The following SCAPER variants were observed in gnomAD, a reference collection of about 807,000 sequenced individuals.
SCAPER encodes the protein S phase cyclin A-associated protein in the endoplasmic reticulum.
In SCAPER, 98 loss-of-function variants were observed where a neutral mutation model predicts 182.2. The ratio of observed to expected loss-of-function variants is 0.54; its 90% CI spans 0.46 to 0.64. SCAPER has a LOEUF of 0.64. Ranked by LOEUF, SCAPER falls within the 30% of genes least tolerant of loss-of-function variation. The pLI is 0.00. For synonymous variants in SCAPER, 605 were observed against 564.6 expected (o/e 1.07, Z -1.01); for missense variants, 1,432 against 1,690.0 (o/e 0.85, Z 2.68).
intron 21 of SCAPER, among the ~76,000 whole-genome samples, chr15:76,656,568 C>T (rs933191297): frequency 3.9e-5 from 6 of 152,096 alleles, no homozygotes; most frequent in Admixed American, 1.3e-4. Context: ...ATCTAGAGAA[C>T]TCTCCACCCC....
rs535274657 is a variant in SCAPER at position 76,592,580 on chromosome 15, C to T, written c.2712-18296G>A. ...ATTCTGCAGCTCCCAGCGAGATCAACGCAGAAGGCAGGTGATTTCTGCATT... is the reference window on the plus strand; with the variant it reads ...ATTCTGCAGCTCCCAGCGAGATCAATGCAGAAGGCAGGTGATTTCTGCATT... On this transcript the variant is annotated intron_variant, in intron 22 of 31. Transcript: ENST00000563290. Among the ~76,000 whole-genome samples the T allele has an allele frequency of 3.3e-4, 41 of 123,264 alleles. 10 individuals are homozygous for T. In the South Asian group the frequency reaches 9.3e-3, roughly 28 times the overall value. The allele number at this position is 123,264 out of a possible 152,430, so 80.9% of individuals were successfully genotyped here. A position where few individuals can be genotyped will look rare whatever the true frequency, so the allele number is the denominator to read the frequency against.
Position 76,381,441 on chromosome 15 carries a change from T to C in SCAPER, c.3642A>G (p.Gln1214=). The C allele has an allele frequency of 6.2e-7, 1 of 1,613,814 alleles. No homozygotes were observed. The highest frequency in any genetic ancestry group is 8.5e-7 in the Non-Finnish European group (1 of 1,179,870). Residue 1214 remains glutamine, a synonymous_variant, in exon 28 of 32, where the codon CAA becomes CAG. Coordinates refer to ENST00000563290, the MANE Select transcript of SCAPER (RefSeq NM_020843.4). ...PKENYTQNTI[Q]VAIQSLRFFN... ...AGAAACGTAAACTCTGAATGGCCAC[T>C]TGGATGGTATTTTGAGTGTAATTCT...
rs897690884 is a variant in SCAPER at position 76,730,571 on chromosome 15, TA to T, written c.2023-1835del. Among the ~76,000 whole-genome samples, 351 of 150,512 alleles carry T rather than the reference TA, an allele frequency of 2.3e-3. 2 individuals are homozygous for T. The highest frequency in any genetic ancestry group is 0.01 in the Middle Eastern group (3 of 292). The stretch of plus-strand genomic sequence containing the variant: ...ATCTGGCACAGAAAATTTTCTCCAT[TA>T]AAAAAAAAGTGAATAAAAAAATTCC... On this transcript the variant is annotated intron_variant, in intron 16 of 31. Coordinates refer to ENST00000563290, the MANE Select transcript of SCAPER (RefSeq NM_020843.4).
intron 2 of SCAPER, among the ~76,000 whole-genome samples, chr15:76,879,684 C>T (rs1453570120): frequency 6.6e-6 from 1 of 152,182 alleles, no homozygotes; most frequent in Non-Finnish European, 1.5e-5. Flanking sequence ...CTACTTGCTA[C>T]TGAAAGCATT....
chr15:76,474,037 C>T (rs1366820965), intron 24 of SCAPER, among the ~76,000 whole-genome samples: 2 of 152,066 alleles, frequency 1.3e-5, no homozygotes, highest in African/African-American at 4.8e-5. Context: ...TCTCGAATTC[C>T]TGGCCTCATG....
chr15:76,425,003 G>C (rs1161355689), intron 26 of SCAPER, among the ~76,000 whole-genome samples: 1 of 152,182 alleles, frequency 6.6e-6, no homozygotes, highest in Non-Finnish European at 1.5e-5. Flanking sequence ...AGTCTGATGG[G>C]CTTCCCTTTG....
At chr15:76,432,955 A>G (rs909950478) in intron 26 of SCAPER, among the ~76,000 whole-genome samples, 1 of 152,188 alleles carries the variant, frequency 6.6e-6, no homozygotes, top group Non-Finnish European at 1.5e-5. Context: ...CCTCTACTAC[A>G]ATACCTTACA....
intron 25 of SCAPER, among the ~76,000 whole-genome samples, chr15:76,452,140 T>C (rs756316254): frequency 1.2e-4 from 19 of 152,244 alleles, no homozygotes; most frequent in Admixed American, 2.6e-4. Flanking sequence ...GTGTATTGTA[T>C]GAATCTTACC....
intron 23 of SCAPER, among the ~76,000 whole-genome samples, chr15:76,560,028 T>A (rs1348105945): frequency 6.6e-6 from 1 of 152,180 alleles, no homozygotes; most frequent in Non-Finnish European, 1.5e-5. Context: ...TTCCCACACA[T>A]CAAATATTTA....
At chr15:76,642,974 G>C (rs2054224317) in intron 21 of SCAPER, among the ~76,000 whole-genome samples, 1 of 152,150 alleles carries the variant, frequency 6.6e-6, no homozygotes, top group Non-Finnish European at 1.5e-5. Context: ...AATTAAAAAA[G>C]ATAAGCAGAC....
At chr15:76,714,957 A>G (rs931457730) in intron 17 of SCAPER, among the ~76,000 whole-genome samples, 2 of 152,078 alleles carry the variant, frequency 1.3e-5, no homozygotes, top group African/African-American at 4.8e-5. Context: ...TAAAAAAAAC[A>G]CATAAAAAGC....
intron 22 of SCAPER, among the ~76,000 whole-genome samples, chr15:76,610,621 A>G (rs1355468275): frequency 2.6e-5 from 4 of 152,308 alleles, no homozygotes; most frequent in Middle Eastern, 3.4e-3. Context: ...AGTCACTAAG[A>G]TTTCTATGTA....
At chr15:76,816,183 TTC>T (rs1191487261) in intron 5 of SCAPER, among the ~76,000 whole-genome samples, 1 of 152,198 alleles carries the variant, frequency 6.6e-6, no homozygotes, top group Admixed American at 6.5e-5. Flanking sequence ...TACAAAAATT[TTC>T]TGTCTTCCTA....
chr15:76,565,345 C>A (rs2046964356), intron 23 of SCAPER, among the ~76,000 whole-genome samples: 1 of 151,936 alleles, frequency 6.6e-6, no homozygotes, highest in South Asian at 2.1e-4. Flanking sequence ...AAACCAATAA[C>A]CCCATTACAA....
intron 22 of SCAPER, among the ~76,000 whole-genome samples, chr15:76,585,445 A>G (rs1175337683): frequency 6.6e-6 from 1 of 152,192 alleles, no homozygotes; most frequent in African/African-American, 2.4e-5. Context: ...TTGGCAGTGA[A>G]CTTCACTGTG....
rs1282377447 is a variant in SCAPER at position 76,510,885 on chromosome 15, G to GTA, written c.2839-5912_2839-5911insTA. On this transcript the variant is annotated intron_variant, in intron 23 of 31. Transcript: ENST00000563290. ...CGCGCGTGTGTGTGTGTGTGTGTGT[G>GTA]TGTGCGCGCGCGCACGTATGGAATA... 3.6e-3 allele frequency among the ~76,000 whole-genome samples: 539 copies of GTA among 150,730 alleles called. 64 individuals are homozygous for GTA. The highest frequency in any genetic ancestry group is 4.7e-3 in the Non-Finnish European group (317 of 67,748).
intron 22 of SCAPER, among the ~76,000 whole-genome samples, chr15:76,599,677 T>C (rs1597598477): frequency 8.2e-6 from 1 of 122,266 alleles, no homozygotes; most frequent in Admixed American, 9.3e-5. Flanking sequence ...ATGATTCTCA[T>C]CTGTGGTGAA....
At chr15:76,816,139 T>C (rs1280611503) in intron 5 of SCAPER, among the ~76,000 whole-genome samples, 1 of 152,246 alleles carries the variant, frequency 6.6e-6, no homozygotes, top group Admixed American at 6.5e-5. Context: ...TGCTGAGACT[T>C]TATAAACTAC....
At chr15:76,489,238 A>G (rs1227385050) in intron 24 of SCAPER, among the ~76,000 whole-genome samples, 2 of 139,302 alleles carry the variant, frequency 1.4e-5, no homozygotes, top group Non-Finnish European at 3.1e-5. Flanking sequence ...AAAGTAACAG[A>G]AAAAAACCAC....
Sources: gnomAD v4.1 joint callset for allele counts (sites outside exome capture counted in the v4.1 genomes callset) on GRCh38, gnomAD v4.1.1 for gene constraint, MANE v1.5 for transcripts, NCBI Gene and HGNC (gene_info 2026-07-23, HGNC 2026-07-21) for gene names.